EBF1: variants seen among roughly 807,000 people sequenced by gnomAD.
The protein encoded by EBF1 is transcription factor COE1.
In EBF1, 10 loss-of-function variants were observed where a neutral mutation model predicts 68.4. That is an observed-to-expected ratio of 0.15 (90% CI 0.09 to 0.25). The LOEUF is 0.25. EBF1 is among the 10% of genes least tolerant of loss of function. The pLI is 1.00. For missense variants in EBF1, 509 were observed against 794.4 expected (o/e 0.64, Z 4.32); for synonymous variants, 298 against 299.8 (o/e 0.99, Z 0.06).
chr5:158,706,269 C>T (rs1209688594), intron 15 of EBF1, among the ~76,000 whole-genome samples: 1 of 141,022 alleles, frequency 7.1e-6, no homozygotes, highest in Non-Finnish European at 1.5e-5. Flanking sequence ...GCGGCGTGCT[C>T]TGTGGGGCGC....
chr5:159,056,550 T>C (rs911841404), intron 6 of EBF1, among the ~76,000 whole-genome samples: 2 of 152,230 alleles, frequency 1.3e-5, no homozygotes, highest in African/African-American at 2.4e-5. Flanking sequence ...CTGCCCTTCC[T>C]TGGCAATTCC....
rs940282067 is a variant in EBF1 at position 158,976,666 on chromosome 5, G to C, written c.554+96730C>G. On this transcript the variant is annotated intron_variant, in intron 6 of 15. Transcript: ENST00000313708. ...AATTTCTTTTATGTTAGAATAACTA[G>C]TATAAACCCATAAAATGTAACCTAA... 1.4e-4 allele frequency among the ~76,000 whole-genome samples: 21 copies of C among 152,140 alleles called. 1 individual carries two copies. Among genetic ancestry groups the C allele is most frequent in the African/African-American group, 3.6e-4 (15 of 41,410 alleles).
chr5:158,784,709 C>T (rs1561919136), intron 9 of EBF1, among the ~76,000 whole-genome samples: 1 of 151,842 alleles, frequency 6.6e-6, no homozygotes, highest in Non-Finnish European at 1.5e-5. Context: ...GAAAAAAAGT[C>T]CAAAACAAGC....
intron 4 of EBF1, among the ~76,000 whole-genome samples, chr5:159,087,042 T>A (rs1210806555): frequency 2.6e-5 from 4 of 152,040 alleles, no homozygotes; most frequent in Non-Finnish European, 5.9e-5. Flanking sequence ...TCATACATGA[T>A]GCTAAAAAAC....
chr5:158,839,036 AG>A (rs1188256332), intron 7 of EBF1, among the ~76,000 whole-genome samples: 2 of 152,174 alleles, frequency 1.3e-5, no homozygotes, highest in Non-Finnish European at 2.9e-5. Flanking sequence ...TAAGATCCTC[AG>A]GGGATTTTCA....
chr5:159,087,370 A>C lies in EBF1; in HGVS notation c.412-2631T>G, dbSNP rs185911537. On this transcript the variant is annotated intron_variant, in intron 4 of 15. Coordinates refer to ENST00000313708, the MANE Select transcript of EBF1 (RefSeq NM_024007.5). ...TATATATATACACATATATATATAC[A>C]CACATATATATACACATATATATAC... Among the ~76,000 whole-genome samples, 792 of 143,068 alleles carry C rather than the reference A, an allele frequency of 5.5e-3. 7 individuals are homozygous for C. The highest frequency in any genetic ancestry group is 0.019 in the African/African-American group (736 of 38,386). 93.9% of individuals were successfully genotyped at this position (143,068 alleles called of 152,430 possible). A position where few individuals can be genotyped will look rare whatever the true frequency, so the allele number is the denominator to read the frequency against.
intron 6 of EBF1, among the ~76,000 whole-genome samples, chr5:159,028,497 G>C (rs928494383): frequency 6.6e-6 from 1 of 152,228 alleles, no homozygotes; most frequent in Admixed American, 6.5e-5. Flanking sequence ...ATGTAATGGT[G>C]AGCAAGAAGG....
intron 8 of EBF1, among the ~76,000 whole-genome samples, chr5:158,800,895 T>C (rs1156310226): frequency 1.3e-5 from 2 of 152,192 alleles, no homozygotes; most frequent in Non-Finnish European, 2.9e-5. Flanking sequence ...GGGGCGGTGT[T>C]TGAATACAAA....
At position 158,796,466 on chromosome 5, in the gene EBF1, C is replaced by A. The variant is rs1246336673; in HGVS notation, c.788G>T (p.Cys263Phe). ...TTCACTCGGGCTGATGGCTTTGATA[C>A]AGGGAGTAGCTGCTTTTCAACACAC... is the stretch of plus-strand genomic sequence containing the variant. Reference protein sequence around the residue: ...TPSYLEHATPCIKAISPSEGW... With the variant: ...TPSYLEHATPFIKAISPSEGW... Residue 263 changes from cysteine to phenylalanine, a missense_variant, in exon 9 of 16, where the codon TGT becomes TTT. Transcript: ENST00000313708. 9 of 1,612,306 alleles carry A rather than the reference C, an allele frequency of 5.6e-6. No homozygotes were observed. The highest frequency in any genetic ancestry group is 7.6e-6 in the Non-Finnish European group (9 of 1,179,064).
intron 6 of EBF1, among the ~76,000 whole-genome samples, chr5:159,071,833 T>C (rs892875499): frequency 2.6e-5 from 4 of 152,218 alleles, no homozygotes; most frequent in African/African-American, 9.7e-5. Context: ...AAAATGCTTA[T>C]AGTTTCAAAG....
intron 7 of EBF1, among the ~76,000 whole-genome samples, chr5:158,838,323 G>A (rs547091118): frequency 1.3e-5 from 2 of 151,820 alleles, no homozygotes; most frequent in East Asian, 3.9e-4. Context: ...GTGGGTGCCT[G>A]TAGTCCCAGC....
rs1769165512 is a variant in EBF1, at chr5:158,752,577, G to A, written c.1037-21420C>T. ...ACTGGAAATAAGAACAGTCTACAAT[G>A]GCAAATTTTTACTGTAATACATTTC... On this transcript the variant is annotated intron_variant, in intron 10 of 15. Coordinates refer to ENST00000313708, the MANE Select transcript of EBF1 (RefSeq NM_024007.5). Among the ~76,000 whole-genome samples the A allele has an allele frequency of 2.0e-5, 3 of 152,006 alleles. No homozygotes were observed. The South Asian group carries it at 6.2e-4, about 31-fold the overall frequency.
At position 158,948,114 on chromosome 5, in the gene EBF1, C is replaced by G. The variant is rs10074249; in HGVS notation, c.555-108004G>C. 5.7e-3 allele frequency among the ~76,000 whole-genome samples: 875 copies of G among 152,296 alleles called. 12 individuals carry two copies. The highest frequency in any genetic ancestry group is 0.02 in the African/African-American group (834 of 41,562). The stretch of plus-strand genomic sequence containing the variant: ...GACTGTCACAGGAACAGAGAGATTC[C>G]AGTTTTTCCTGCATCGGGGTGGAGG... On this transcript the variant is annotated intron_variant, in intron 6 of 15. Coordinates refer to ENST00000313708, the MANE Select transcript of EBF1 (RefSeq NM_024007.5).
intron 6 of EBF1, among the ~76,000 whole-genome samples, chr5:158,969,900 G>GAAAT (rs1340281783): frequency 2.0e-4 from 21 of 107,166 alleles, no homozygotes; most frequent in Non-Finnish European, 2.8e-4. Flanking sequence ...AAGAAAGAAA[G>GAAAT]AAAGAAAGAA....
At position 158,944,231 on chromosome 5, in the gene EBF1, C is replaced by T. The variant is rs553110379; in HGVS notation, c.555-104121G>A. Reference sequence around the variant, plus strand: ...CATCCCTCCCCTTGTCCTCCACCCCCCTACAGGCCCCAGCATGTGATGTTC... The same window carrying T: ...CATCCCTCCCCTTGTCCTCCACCCCTCTACAGGCCCCAGCATGTGATGTTC... On this transcript the variant is annotated intron_variant, in intron 6 of 15. Coordinates refer to ENST00000313708, the MANE Select transcript of EBF1 (RefSeq NM_024007.5). 5.9e-5 allele frequency among the ~76,000 whole-genome samples: 9 copies of T among 152,270 alleles called. No homozygotes were observed. In the South Asian group the frequency reaches 1.7e-3, roughly 28 times the overall value.
intron 6 of EBF1, among the ~76,000 whole-genome samples, chr5:158,977,897 G>A (rs931849184): frequency 6.6e-6 from 1 of 152,072 alleles, no homozygotes; most frequent in Non-Finnish European, 1.5e-5. Context: ...CACACACAAA[G>A]GCTAAAGGAA....
At chr5:158,866,304 A>T (rs994593546) in intron 6 of EBF1, among the ~76,000 whole-genome samples, 2 of 152,140 alleles carry the variant, frequency 1.3e-5, no homozygotes, top group Non-Finnish European at 2.9e-5. Context: ...ACCCTAACTC[A>T]TCTGAACTGA....
At chr5:159,040,220 C>G (rs944336629) in intron 6 of EBF1, among the ~76,000 whole-genome samples, 2 of 152,114 alleles carry the variant, frequency 1.3e-5, no homozygotes, top group Non-Finnish European at 2.9e-5. Flanking sequence ...TTAGAAAATG[C>G]TGCTCTCAGG....
chr5:158,783,685 G>A (rs925030173), intron 9 of EBF1, among the ~76,000 whole-genome samples: 6 of 152,182 alleles, frequency 3.9e-5, no homozygotes, highest in South Asian at 2.1e-4. Context: ...TTAGCCAGGC[G>A]AGATATGCCC....
Sources: allele counts gnomAD v4.1 joint callset (sites outside exome capture counted in the v4.1 genomes callset), GRCh38; gene constraint gnomAD v4.1.1; transcripts MANE v1.5; gene names NCBI Gene and HGNC (gene_info 2026-07-23, HGNC 2026-07-21).